ANKH: variants seen among roughly 807,000 people sequenced by gnomAD.
ANKH encodes the protein ANKH inorganic pyrophosphate transport regulator, also known as mineralization regulator ANKH.
A neutral mutation model predicts 49.0 loss-of-function variants in ANKH; 15 were observed. The ratio of observed to expected loss-of-function variants is 0.31; its 90% CI spans 0.20 to 0.47. The LOEUF is 0.47. Among genes scored for constraint, ANKH ranks in the 20% least tolerant of loss-of-function variants. The pLI is 1.00. For synonymous variants in ANKH, 273 were observed against 260.0 expected, an observed-to-expected ratio of 1.05 and a Z score of -0.48; for missense variants, 429 against 652.0, an observed-to-expected ratio of 0.66 and a Z score of 3.72.
At chr5:14,730,645 G>A (rs1040555212) in intron 8 of ANKH, among the ~76,000 whole-genome samples, 7 of 152,164 alleles carry the variant, frequency 4.6e-5, no homozygotes, top group South Asian at 2.1e-4. Context: ...ACGCAGAGTC[G>A]ACCTTTAAGG....
At chr5:14,869,411 C>G (rs766978936) in intron 1 of ANKH, 3 of 152,246 alleles carry the variant, frequency 2.0e-5, no homozygotes, top group Non-Finnish European at 4.4e-5. Flanking sequence ...TAAAATATCT[C>G]CGCCCTCCAG....
intron 1 of ANKH, among the ~76,000 whole-genome samples, chr5:14,819,887 A>C (rs1031091980): frequency 4.6e-5 from 6 of 130,190 alleles, no homozygotes; most frequent in Non-Finnish European, 9.6e-5. Context: ...CAACAACAAC[A>C]ACAACAAAAA....
intron 1 of ANKH, among the ~76,000 whole-genome samples, chr5:14,833,121 C>T (rs1741550464): frequency 6.6e-6 from 1 of 152,240 alleles, no homozygotes; most frequent in African/African-American, 2.4e-5. Context: ...CCACTCTAGG[C>T]ATGATGGCTT....
chr5:14,824,402 G>A (rs569102445), intron 1 of ANKH, among the ~76,000 whole-genome samples: 4 of 152,160 alleles, frequency 2.6e-5, no homozygotes, highest in South Asian at 2.1e-4. Flanking sequence ...ATAAAAAAGC[G>A]GTTTCTTTTT....
At chr5:14,739,187 C>T (rs1211398038) in intron 8 of ANKH, among the ~76,000 whole-genome samples, 3 of 152,140 alleles carry the variant, frequency 2.0e-5, no homozygotes, top group Admixed American at 6.5e-5. Flanking sequence ...GAGGCCGAGG[C>T]GGGCAGATCA....
At position 14,713,502 on chromosome 5, in the gene ANKH, G is replaced by A. The variant is rs762287645; in HGVS notation, c.1265+42C>T. 2.8e-5 allele frequency: 45 copies of A among 1,612,396 alleles called. No individual in the cohort carries two copies. Among genetic ancestry groups the A allele is most frequent in the Non-Finnish European group, 3.4e-5 (40 of 1,179,176 alleles). On this transcript the variant is annotated intron_variant, in intron 10 of 11. Transcript: ENST00000284268. This position sits in a 1 kb window ranked among gnomAD's most constrained non-coding sequence, Gnocchi z 4.4. ...TTAAACCTCTGGACACAGTATTGAAGTGGCAGAAGGACCCACAGCCCCAAA... is the reference window on the plus strand; with the variant it reads ...TTAAACCTCTGGACACAGTATTGAAATGGCAGAAGGACCCACAGCCCCAAA...
intron 1 of ANKH, among the ~76,000 whole-genome samples, chr5:14,818,714 G>A (rs1213575285): frequency 6.6e-6 from 1 of 150,790 alleles, no homozygotes; most frequent in East Asian, 1.9e-4. Flanking sequence ...GTGCACACTG[G>A]GCTTCCACAC....
At chr5:14,858,117 C>T (rs1166625981) in intron 1 of ANKH, among the ~76,000 whole-genome samples, 1 of 152,158 alleles carries the variant, frequency 6.6e-6, no homozygotes, top group African/African-American at 2.4e-5. Context: ...TTAATCATCA[C>T]ATTTTATTTC....
intron 8 of ANKH, among the ~76,000 whole-genome samples, chr5:14,722,779 C>G (rs773904435): frequency 6.6e-6 from 1 of 152,140 alleles, no homozygotes; most frequent in Non-Finnish European, 1.5e-5. Context: ...GCAGACCTTC[C>G]TGCTCCTTCT....
At chr5:14,804,042 C>T (rs759177365) in intron 1 of ANKH, among the ~76,000 whole-genome samples, 25 of 152,098 alleles carry the variant, frequency 1.6e-4, no homozygotes, top group African/African-American at 7.2e-5. Flanking sequence ...ATTACAGGTG[C>T]GTGCCACCAT....
At chr5:14,771,940 A>C (rs1739452667) in intron 1 of ANKH, among the ~76,000 whole-genome samples, 1 of 149,366 alleles carries the variant, frequency 6.7e-6, no homozygotes, top group South Asian at 2.1e-4. Context: ...AAAAAAAAAA[A>C]AAAAAAACCA....
rs1403567157 is a variant in ANKH at position 14,710,721 on chromosome 5, C to G, written c.*476G>C. ...ATTTAAGAGGCCACCGGGGCTCCAT[C>G]TCTTTGTACGGCCATGTGACTGGGA... On this transcript the variant is annotated 3_prime_UTR_variant, in exon 12 of 12. Coordinates refer to ENST00000284268, the MANE Select transcript of ANKH (RefSeq NM_054027.6). The G allele has an allele frequency of 5.4e-6, 1 of 185,724 alleles. No individual in the cohort carries two copies. Among genetic ancestry groups the G allele is most frequent in the African/African-American group, 2.4e-5 (1 of 42,212 alleles). The allele number at this position is 185,724 out of a possible 1,614,324, so 11.5% of individuals were successfully genotyped here. A position where few individuals can be genotyped will look rare whatever the true frequency, so the allele number is the denominator to read the frequency against.
intron 1 of ANKH, among the ~76,000 whole-genome samples, chr5:14,795,874 A>G (rs1338670616): frequency 2.0e-5 from 3 of 151,222 alleles, no homozygotes; most frequent in Non-Finnish European, 4.4e-5. Context: ...AAAAAAAAGC[A>G]GATTATAGCC....
Position 14,769,000 on chromosome 5 carries a change from G to A in ANKH, c.288C>T (p.Ile96=), listed in dbSNP as rs373730199. 58 of 1,614,098 alleles carry A rather than the reference G, an allele frequency of 3.6e-5. 1 individual carries two copies. The East Asian group carries it at 4.2e-4, about 12-fold the overall frequency. ...AVLCMVVAGA[I]AAVFHTLIAY... is the part of the protein sequence containing the mutation. ...CTATCAGTGTGTGAAAGACGGCAGC[G>A]ATGGCCCCTGCCACCACCATACACA... is the stretch of plus-strand genomic sequence containing the variant. The change falls in exon 2 of 12, where the codon ATC becomes ATT. Residue 96 remains isoleucine (I), a synonymous_variant. Transcript: ENST00000284268.
chr5:14,782,984 C>T (rs1739856586), intron 1 of ANKH, among the ~76,000 whole-genome samples: 1 of 152,064 alleles, frequency 6.6e-6, no homozygotes, highest in Non-Finnish European at 1.5e-5. Flanking sequence ...TTAACTCTTC[C>T]AAAGTTTTCT....
chr5:14,796,464 A>C (rs1001745258), intron 1 of ANKH, among the ~76,000 whole-genome samples: 30 of 126,312 alleles, frequency 2.4e-4, no homozygotes, highest in East Asian at 1.6e-3. Flanking sequence ...AAAAAAAAAA[A>C]ACACACACCA....
chr5:14,728,945 G>A (rs982411891), intron 8 of ANKH, among the ~76,000 whole-genome samples: 2 of 152,208 alleles, frequency 1.3e-5, no homozygotes, highest in East Asian at 1.9e-4. Context: ...ACCAGGGCGC[G>A]GAAGGCCCTC....
intron 1 of ANKH, among the ~76,000 whole-genome samples, chr5:14,863,520 C>A (rs1437909157): frequency 6.6e-6 from 1 of 152,190 alleles, no homozygotes. Context: ...CAGTGACTTC[C>A]ACTTTGAAGT....
At chr5:14,809,683 C>T (rs904797754) in intron 1 of ANKH, among the ~76,000 whole-genome samples, 1 of 152,202 alleles carries the variant, frequency 6.6e-6, no homozygotes, top group Non-Finnish European at 1.5e-5. Context: ...AATGTAGAAG[C>T]AAATATGACC....
Sources: gnomAD v4.1 joint callset for allele counts (sites outside exome capture counted in the v4.1 genomes callset) on GRCh38, gnomAD v4.1.1 for gene constraint, Gnocchi (gnomAD v3.1) non-coding constraint, MANE v1.5 for transcripts, NCBI Gene and HGNC (gene_info 2026-07-23, HGNC 2026-07-21) for gene names.